The following PCDHA8 variants were observed in gnomAD, a reference collection of about 807,000 sequenced individuals.
PCDHA8 encodes protocadherin alpha-8.
In PCDHA8, 53 loss-of-function variants were observed where a neutral mutation model predicts 61.8. The ratio of observed to expected loss-of-function variants is 0.86; its 90% confidence interval spans 0.69 to 1.08. The LOEUF is 1.08. Ranked by LOEUF, PCDHA8 falls within the 50% of genes least tolerant of loss-of-function variation. The pLI is 0.00. For synonymous variants in PCDHA8, 618 were observed against 556.6 expected (o/e 1.11, Z -1.55); for missense variants, 1,293 against 1,245.0 (o/e 1.04, Z -0.58).
chr5:140,929,875 G>A lies in PCDHA8; in HGVS notation c.2395-49074G>A, dbSNP rs1326750420. 4 of 153,064 alleles carry A rather than the reference G, an allele frequency of 2.6e-5. No individual in the cohort carries two copies. The East Asian group carries it at 7.7e-4, about 29-fold the overall frequency. 9.5% of individuals were successfully genotyped at this position (153,064 alleles called of 1,614,324 possible). A position where few individuals can be genotyped will look rare whatever the true frequency, so the allele number is the denominator to read the frequency against. On this transcript the variant is annotated intron_variant, in intron 1 of 3. Transcript: ENST00000531613. ...GAGTCAGAGAAGGCTTTGTGATAGAGATCACAGATTTAGTTGGATCTTTAA... is the reference window on the plus strand; with the variant it reads ...GAGTCAGAGAAGGCTTTGTGATAGAAATCACAGATTTAGTTGGATCTTTAA...
chr5:140,940,434 T>A (rs155816), intron 1 of PCDHA8, among the ~76,000 whole-genome samples: 48,246 of 152,056 alleles, frequency 0.32, 7,999 homozygotes, highest in East Asian at 0.53. Flanking sequence ...TGATCAAGTC[T>A]GCCATGATAT....
chr5:140,938,207 A>G (rs782001361), intron 1 of PCDHA8, among the ~76,000 whole-genome samples: 6 of 152,112 alleles, frequency 3.9e-5, no homozygotes, highest in Non-Finnish European at 8.8e-5. Flanking sequence ...CAGCCTCCCA[A>G]AGTGCTGGGA....
rs1214485732 is a variant in PCDHA8, at chr5:141,010,285, C to T, written c.*348C>T. On this transcript the variant is annotated 3_prime_UTR_variant, in exon 4 of 4. Coordinates refer to ENST00000531613, the MANE Select transcript of PCDHA8 (RefSeq NM_018911.3). The stretch of plus-strand genomic sequence containing the variant: ...CTCCGGGGATCCTGTCTTGATGACA[C>T]TTGCAGGGCAGGCTGAAAAGTTTTG... The T allele has an allele frequency of 1.3e-6, 2 of 1,550,458 alleles. No homozygotes were observed. The highest frequency in any genetic ancestry group is 1.7e-6 in the Non-Finnish European group (2 of 1,146,698).
At chr5:140,959,719 A>G (rs986383146) in intron 1 of PCDHA8, among the ~76,000 whole-genome samples, 4 of 152,366 alleles carry the variant, frequency 2.6e-5, no homozygotes, top group African/African-American at 9.6e-5. Context: ...AAATTTTTAG[A>G]TAACATTATC....
chr5:140,967,676 G>A (rs1334899934), intron 1 of PCDHA8: 3 of 1,614,104 alleles, frequency 1.9e-6, no homozygotes, highest in African/African-American at 2.7e-5. Context: ...GTCGGACCGG[G>A]AGAGGCAGCT....
intron 1 of PCDHA8, among the ~76,000 whole-genome samples, chr5:140,921,342 TA>T (rs1311011800): frequency 6.6e-6 from 1 of 152,188 alleles, no homozygotes; most frequent in African/African-American, 2.4e-5. Flanking sequence ...AATCACATAA[TA>T]TATTTGCCTA....
At chr5:140,942,530 T>C (rs963252648) in intron 1 of PCDHA8, among the ~76,000 whole-genome samples, 5 of 151,374 alleles carry the variant, frequency 3.3e-5, no homozygotes, top group Non-Finnish European at 5.9e-5. Flanking sequence ...AGCAACTAAC[T>C]CAGTATGGTG....
chr5:140,843,949 T>C, intron 1 of PCDHA8: 1 of 564,496 alleles, frequency 1.8e-6, no homozygotes, highest in Non-Finnish European at 3.1e-6. Context: ...ATGATATCCA[T>C]TTTTTACTGA....
At chr5:140,915,840 G>C (rs1554197129) in intron 1 of PCDHA8, among the ~76,000 whole-genome samples, 1 of 152,142 alleles carries the variant, frequency 6.6e-6, no homozygotes, top group African/African-American at 2.4e-5. Context: ...AGATCAGCAG[G>C]GGGTGACACC....
chr5:140,876,850 T>A, intron 1 of PCDHA8: 1 of 1,614,012 alleles, frequency 6.2e-7, no homozygotes, highest in Non-Finnish European at 8.5e-7. Flanking sequence ...GCAGCCCGAG[T>A]ACACAGTGTT....
intron 1 of PCDHA8, among the ~76,000 whole-genome samples, chr5:140,943,353 G>A (rs2093481887): frequency 6.6e-6 from 1 of 151,602 alleles, no homozygotes; most frequent in Non-Finnish European, 1.5e-5. Flanking sequence ...TGAGAGTAGA[G>A]GAAAGGAGAT....
At chr5:140,975,053 A>C (rs2096651589) in intron 1 of PCDHA8, among the ~76,000 whole-genome samples, 1 of 152,144 alleles carries the variant, frequency 6.6e-6, no homozygotes, top group Admixed American at 6.5e-5. Flanking sequence ...GGAAGAATCT[A>C]CTATCGAGCT....
intron 1 of PCDHA8, among the ~76,000 whole-genome samples, chr5:140,961,654 T>G (rs1554225528): frequency 6.6e-6 from 1 of 152,194 alleles, no homozygotes; most frequent in East Asian, 1.9e-4. Context: ...TGTGGTTAGT[T>G]TGAAGTTACC....
intron 1 of PCDHA8, among the ~76,000 whole-genome samples, chr5:140,893,943 G>C (rs550475): frequency 0.54 from 81,510 of 151,914 alleles, 22,066 homozygotes; most frequent in African/African-American, 0.61. Flanking sequence ...TGTTAATTCT[G>C]CATGACTTTA....
intron 1 of PCDHA8, among the ~76,000 whole-genome samples, chr5:140,886,071 A>G (rs985861864): frequency 3.9e-5 from 6 of 152,338 alleles, no homozygotes; most frequent in South Asian, 2.1e-4. Context: ...GCGTAGGGCC[A>G]TACCACAACC....
Position 140,843,522 on chromosome 5 carries a change from C to T in PCDHA8, c.2201C>T (p.Ala734Val). 17 of 1,595,794 alleles carry T rather than the reference C, an allele frequency of 1.1e-5. No individual in the cohort carries two copies. The highest frequency in any genetic ancestry group is 1.5e-5 in the Non-Finnish European group (17 of 1,165,496). The change falls in exon 1 of 4, where the codon GCG becomes GTG. Residue 734 changes from alanine (A) to valine (V), a missense_variant. By Grantham distance (64) the Ala-to-Val change is moderately conservative. Coordinates refer to ENST00000531613, the MANE Select transcript of PCDHA8 (RefSeq NM_018911.3). ...CTGCCCACTGAGGGCGGGTGCCGGG[C>T]GGGCAAGCCCACTCTGGTGTGCTCC... Reference protein sequence around the residue: ...SALPTEGGCRAGKPTLVCSSA... With the variant: ...SALPTEGGCRVGKPTLVCSSA...
intron 3 of PCDHA8, among the ~76,000 whole-genome samples, chr5:140,999,619 G>A (rs2097865766): frequency 6.6e-6 from 1 of 152,146 alleles, no homozygotes; most frequent in Non-Finnish European, 1.5e-5. Flanking sequence ...TTATCAACCA[G>A]GAAACAAGGT....
At chr5:140,851,758 C>A (rs1554145527) in intron 1 of PCDHA8, 1 of 969,910 alleles carries the variant, frequency 1.0e-6, no homozygotes, top group Non-Finnish European at 1.2e-6. Flanking sequence ...TAACTTAAAA[C>A]ATTACCCTTA....
chr5:140,928,296 T>C (rs2085128137), intron 1 of PCDHA8: 6 of 1,614,054 alleles, frequency 3.7e-6, no homozygotes, highest in African/African-American at 1.3e-5. Flanking sequence ...GCCGAGTGTT[T>C]GCCCAGGACC....
Sources: gnomAD v4.1 joint callset for allele counts (sites outside exome capture counted in the v4.1 genomes callset) on GRCh38, gnomAD v4.1.1 for gene constraint, MANE v1.5 for transcripts, NCBI Gene and HGNC (gene_info 2026-07-23, HGNC 2026-07-21) for gene names.